MAP7D2: variants seen among roughly 807,000 people sequenced by gnomAD.
MAP7D2 encodes the protein MAP7 domain containing 2, also known as MAP7 domain-containing protein 2.
Under a neutral mutation model 63.5 loss-of-function variants are expected in MAP7D2, and 33 were observed. That is an observed-to-expected ratio of 0.52 (90% CI 0.39 to 0.70). The LOEUF (loss-of-function observed/expected upper bound fraction) is 0.70, where lower values mean the gene tolerates loss of function less well. MAP7D2 is among the 30% of genes least tolerant of loss of function. MAP7D2 has a pLI of 0.00. For synonymous variants in MAP7D2, 224 were observed against 223.7 expected (o/e 1.00, Z -0.01); for missense variants, 626 against 604.0 (o/e 1.04, Z -0.38).
At chrX:20,035,338 G>A (rs1213370516) in intron 8 of MAP7D2, among the ~76,000 whole-genome samples, 1 of 111,428 alleles carries the variant, frequency 9.0e-6, no homozygotes, top group African/African-American at 3.3e-5. Flanking sequence ...AAGGCTCCCC[G>A]CACCTTGCTG....
intron 1 of MAP7D2, among the ~76,000 whole-genome samples, chrX:20,075,952 T>C (rs2065630992): frequency 9.0e-6 from 1 of 110,985 alleles, no homozygotes; most frequent in Non-Finnish European, 1.9e-5. Context: ...AATAGCTTAA[T>C]AACTCTTCCG....
At chrX:20,057,039 G>A (rs764593007) in intron 3 of MAP7D2, among the ~76,000 whole-genome samples, 1 of 112,493 alleles carries the variant, frequency 8.9e-6, no homozygotes, top group Non-Finnish European at 1.9e-5. Flanking sequence ...CCTCCCTGGG[G>A]AGAAGCTGCC....
intron 1 of MAP7D2, among the ~76,000 whole-genome samples, chrX:20,092,094 G>A (rs2066085065): frequency 8.9e-6 from 1 of 111,734 alleles, no homozygotes; most frequent in Admixed American, 9.5e-5. Flanking sequence ...AAATGTGGAT[G>A]CTACCAAGTC....
intron 8 of MAP7D2, among the ~76,000 whole-genome samples, chrX:20,035,045 G>A (rs759442017): frequency 1.8e-5 from 2 of 111,400 alleles, no homozygotes; most frequent in South Asian, 3.8e-4. Context: ...CATCTGAACC[G>A]GTTTAATTTT....
chrX:20,082,076 C>T (rs1477274474), intron 1 of MAP7D2, among the ~76,000 whole-genome samples: 2 of 112,198 alleles, frequency 1.8e-5, no homozygotes, highest in African/African-American at 3.2e-5. Context: ...CCAGTTACAC[C>T]ACTGAGTCCA....
At chrX:20,029,046 T>C (rs997815465) in intron 8 of MAP7D2, among the ~76,000 whole-genome samples, 1 of 112,020 alleles carries the variant, frequency 8.9e-6, no homozygotes, top group African/African-American at 3.2e-5. Context: ...CTGCTGGGTG[T>C]GCACAACCCT....
intron 6 of MAP7D2, among the ~76,000 whole-genome samples, chrX:20,047,675 G>T (rs184302630): frequency 9.3e-6 from 1 of 107,358 alleles, no homozygotes; most frequent in Admixed American, 1.0e-4. Context: ...AATTAGCTAA[G>T]TGTGGTAGCA....
At chrX:20,051,958 C>A (rs1284498198) in intron 5 of MAP7D2, among the ~76,000 whole-genome samples, 1 of 112,344 alleles carries the variant, frequency 8.9e-6, no homozygotes, top group Non-Finnish European at 1.9e-5. Context: ...TTACCATGAA[C>A]TGCATCACAG....
At chrX:20,026,059 A>T in intron 8 of MAP7D2, 107 bp from the exon 9 acceptor site, 6 of 905,154 alleles carry the variant, frequency 6.6e-6, no homozygotes, top group African/African-American at 2.0e-5. Flanking sequence ...ATCCTTCCAG[A>T]GGAAGGAAAA....
At chrX:20,033,105 T>C (rs2074103140) in intron 8 of MAP7D2, among the ~76,000 whole-genome samples, 1 of 111,790 alleles carries the variant, frequency 8.9e-6, no homozygotes, top group Non-Finnish European at 1.9e-5. Context: ...TGCAATGGCA[T>C]GGAAGACCCT....
chrX:20,089,474 T>G (rs961087349), intron 1 of MAP7D2, among the ~76,000 whole-genome samples: 12 of 112,362 alleles, frequency 1.1e-4, no homozygotes, highest in Non-Finnish European at 1.3e-4. Flanking sequence ...GTTTGTGTAT[T>G]CTCAATAGCT....
chrX:20,063,729 C>A, intron 2 of MAP7D2, 152 bp from the exon 3 acceptor site: 1 of 554,489 alleles, frequency 1.8e-6, no homozygotes, highest in South Asian at 3.7e-5. Flanking sequence ...TCTGGTACCT[C>A]TGCCACTAGC....
chrX:20,065,321 C>T (rs1351331766), intron 1 of MAP7D2, among the ~76,000 whole-genome samples: 2 of 100,991 alleles, frequency 2.0e-5, no homozygotes, highest in African/African-American at 7.4e-5. Context: ...GGCTGGAATG[C>T]GGTGGCGCGA....
intron 7 of MAP7D2, among the ~76,000 whole-genome samples, chrX:20,042,983 T>C (rs1462617220): frequency 8.9e-6 from 1 of 111,933 alleles, no homozygotes; most frequent in Admixed American, 9.5e-5. Flanking sequence ...GGTTACAACA[T>C]CCAAGACAGT....
intron 1 of MAP7D2, among the ~76,000 whole-genome samples, chrX:20,084,288 G>A (rs1469303415): frequency 1.8e-5 from 2 of 110,292 alleles, no homozygotes; most frequent in South Asian, 3.8e-4. Flanking sequence ...TGCATGTGAC[G>A]AATAAAAAAA....
chrX:20,074,479 T>C (rs149592659), intron 1 of MAP7D2, among the ~76,000 whole-genome samples: 45 of 112,227 alleles, frequency 4.0e-4, no homozygotes, highest in African/African-American at 1.4e-3. Flanking sequence ...GGGTATATTG[T>C]TTTTGTTCGG....
intron 8 of MAP7D2, among the ~76,000 whole-genome samples, chrX:20,030,536 A>G (rs2148213098): frequency 8.9e-6 from 1 of 111,873 alleles, no homozygotes; most frequent in African/African-American, 3.3e-5. Context: ...AACTCTCTGG[A>G]GAGGGTTGTC....
chrX:20,034,037 C>T (rs2074130837), intron 8 of MAP7D2, among the ~76,000 whole-genome samples: 2 of 108,024 alleles, frequency 1.9e-5, no homozygotes, highest in Admixed American at 2.0e-4. Context: ...CCGGCCTGGC[C>T]AATATAGTGA....
At chrX:20,054,884 C>A (rs2065034677) in intron 4 of MAP7D2, among the ~76,000 whole-genome samples, 1 of 112,147 alleles carries the variant, frequency 8.9e-6, no homozygotes, top group Admixed American at 9.4e-5. Flanking sequence ...GCCCAGCCCC[C>A]CTGCACCTTT....
Sources: gnomAD v4.1 joint callset for allele counts (sites outside exome capture counted in the v4.1 genomes callset) on GRCh38, gnomAD v4.1.1 for gene constraint, MANE v1.5 for transcripts, NCBI Gene and HGNC (gene_info 2026-07-23, HGNC 2026-07-21) for gene names.